LYNX1: variants seen among roughly 807,000 people sequenced by gnomAD.
LYNX1 encodes Ly6/neurotoxin 1, also known as ly-6/neurotoxin-like protein 1.
Under a neutral mutation model 8.3 loss-of-function variants are expected in LYNX1, and 8 were observed. The ratio of observed to expected loss-of-function variants is 0.97; its 90% CI spans 0.57 to 1.74. The LOEUF (loss-of-function observed/expected upper bound fraction) is 1.74. Among genes scored for constraint, LYNX1 ranks in the 40% most tolerant of loss-of-function variants. LYNX1 has a pLI of 0.00. For synonymous variants in LYNX1, 73 were observed against 67.9 expected, an observed-to-expected ratio of 1.08 and a Z score of -0.37; for missense variants, 158 against 159.7, an observed-to-expected ratio of 0.99 and a Z score of 0.06.
rs1314569178 is a variant in LYNX1 at position 142,774,103 on chromosome 8, C to G, written c.*1064G>C. 1 of 985,356 alleles carries G rather than the reference C, an allele frequency of 1.0e-6. No homozygotes were observed. The highest frequency in any genetic ancestry group is 1.1e-4 in the East Asian group (1 of 8,780). The allele number at this position is 985,356 out of a possible 1,614,324, so 61.0% of individuals were successfully genotyped here. A position where few individuals can be genotyped will look rare whatever the true frequency, so the allele number is the denominator to read the frequency against. ...AGGTGGAAGGTGATGGAGGGACCCA[C>G]TCACTGTGCGCATCCCGCTGCGGGG... is the stretch of plus-strand genomic sequence containing the variant. On this transcript the variant is annotated 3_prime_UTR_variant, in exon 4 of 4. Transcript: ENST00000652477.
upstream of LYNX1, chr8:142,777,231 G>C (rs1385252314): frequency 1.3e-5 from 2 of 154,632 alleles, no homozygotes; most frequent in Non-Finnish European, 2.9e-5. Context: ...GTGCCGCATC[G>C]CCTGATGCTC....
In LYNX1 at chr8:142,776,076, C is replaced by T. The variant is rs1299103428; in HGVS notation, c.-119G>A. On this transcript the variant is annotated 5_prime_UTR_variant, in exon 2 of 4. Coordinates refer to ENST00000652477, the MANE Select transcript of LYNX1 (RefSeq NM_177477.4). The stretch of plus-strand genomic sequence containing the variant: ...GGGTGGTGCGCAGAGGACGTGGGGC[C>T]GGCCCTGCCTCCCGGAGCTCCTGGT... The T allele has an allele frequency of 8.4e-6, 10 of 1,184,288 alleles. No homozygotes were observed. The highest frequency in any genetic ancestry group is 1.1e-5 in the Non-Finnish European group (9 of 822,672). 73.4% of individuals were successfully genotyped at this position (1,184,288 alleles called of 1,614,324 possible). A position where few individuals can be genotyped will look rare whatever the true frequency, so the allele number is the denominator to read the frequency against.
rs1176029763 is a variant in LYNX1, at chr8:142,774,629, G to A, written c.*538C>T. The A allele has an allele frequency of 1.0e-6, 1 of 987,030 alleles. No homozygotes were observed. Among genetic ancestry groups the A allele is most frequent in the South Asian group, 4.7e-5 (1 of 21,370 alleles). 61.1% of individuals were successfully genotyped at this position (987,030 alleles called of 1,614,324 possible). Reference sequence around the variant, plus strand: ...GGCCTGGCAGACTTCCTAGCACAGGGGCCGGTGCCAAAGGCCCTCCTCCCA... The same window carrying A: ...GGCCTGGCAGACTTCCTAGCACAGGAGCCGGTGCCAAAGGCCCTCCTCCCA... On this transcript the variant is annotated 3_prime_UTR_variant, in exon 4 of 4. Coordinates refer to ENST00000652477, the MANE Select transcript of LYNX1 (RefSeq NM_177477.4).
rs975401112 is a variant in LYNX1, at chr8:142,772,944, C to G, written c.*2223G>C. 3.0e-6 allele frequency: 3 copies of G among 985,806 alleles called. No homozygotes were observed. Among genetic ancestry groups the G allele is most frequent in the Non-Finnish European group, 3.6e-6 (3 of 830,302 alleles). The allele number at this position is 985,806 out of a possible 1,614,324, so 61.1% of individuals were successfully genotyped here. On this transcript the variant is annotated 3_prime_UTR_variant, in exon 4 of 4. Coordinates refer to ENST00000652477, the MANE Select transcript of LYNX1 (RefSeq NM_177477.4). ...AAGCTGCCCACCCCACCCCTCAACA[C>G]CACAGCACTTCCAGCTCCAGCAGGT...
At position 142,775,591 on chromosome 8, in the gene LYNX1, A is replaced by G; in HGVS notation, c.154+2T>C. On this transcript the variant is annotated splice_donor_variant, in intron 3 of 3. Coordinates refer to ENST00000652477, the MANE Select transcript of LYNX1 (RefSeq NM_177477.4). LOFTEE classifies it high-confidence loss of function. Reference sequence around the variant, plus strand: ...AGGGCCACGCAGGGCCCCCAGACTCACAGGTGCGCGTGGTCATGCAGTAGG... The same window carrying G: ...AGGGCCACGCAGGGCCCCCAGACTCGCAGGTGCGCGTGGTCATGCAGTAGG... 3 of 1,586,538 alleles carry G rather than the reference A, an allele frequency of 1.9e-6. No individual in the cohort carries two copies.
At position 142,774,149 on chromosome 8, in the gene LYNX1, T is replaced by TCCC; in HGVS notation, c.*1015_*1017dup. ...CGGGGGAGGGGCTGGGTCTCCGCCCTCCCCACCCCACCCTCCCCACTCCCG... is the reference window on the plus strand; with the variant it reads ...CGGGGGAGGGGCTGGGTCTCCGCCCTCCCCCCCACCCCACCCTCCCCACTCCCG... On this transcript the variant is annotated 3_prime_UTR_variant, in exon 4 of 4. Transcript: ENST00000652477. The TCCC allele has an allele frequency of 2.8e-6, 2 of 725,190 alleles. No homozygotes were observed. The highest frequency in any genetic ancestry group is 6.5e-5 in the South Asian group (1 of 15,338). 44.9% of individuals were successfully genotyped at this position (725,190 alleles called of 1,614,324 possible). A position where few individuals can be genotyped will look rare whatever the true frequency, so the allele number is the denominator to read the frequency against.
rs1263494405 is a variant in LYNX1, at chr8:142,775,928, C to T, written c.30G>A (p.Val10=). MTPLLTLIL[V]VLMGLPLAQA... is the part of the protein sequence containing the mutation. ...TACCCAGAGGTAAGCCCATGAGGACCACCAGGATCAGGGTGAGCAGGGGCG... is the reference window on the plus strand; with the variant it reads ...TACCCAGAGGTAAGCCCATGAGGACTACCAGGATCAGGGTGAGCAGGGGCG... The change falls in exon 2 of 4, where the codon GTG becomes GTA. Residue 10 remains valine, a synonymous_variant. Coordinates refer to ENST00000652477, the MANE Select transcript of LYNX1 (RefSeq NM_177477.4). The T allele has an allele frequency of 1.2e-6, 2 of 1,613,994 alleles. No homozygotes were observed.
rs2130093488 is a variant in LYNX1 at position 142,771,773 on chromosome 8, A to G, written c.*3394T>C. The G allele has an allele frequency of 2.0e-6, 2 of 985,524 alleles. No individual in the cohort carries two copies. Among genetic ancestry groups the G allele is most frequent in the Non-Finnish European group, 1.2e-6 (1 of 829,866 alleles). The allele number at this position is 985,524 out of a possible 1,614,324, so 61.0% of individuals were successfully genotyped here. A position where few individuals can be genotyped will look rare whatever the true frequency, so the allele number is the denominator to read the frequency against. ...TGAGAGATGACGAATCAGATGCTAC[A>G]TAGTGGGGGAGGCGGCAGCTGGCCT... On this transcript the variant is annotated 3_prime_UTR_variant, in exon 4 of 4. Transcript: ENST00000652477.
At position 142,774,721 on chromosome 8, in the gene LYNX1, G is replaced by GT; in HGVS notation, c.*445_*446insA. ...GTAGGAAGCGTGACTAGGCCTGGAG[G>GT]AGCCTTTCCTCCTAAGAGTCTCCCC... On this transcript the variant is annotated 3_prime_UTR_variant, in exon 4 of 4. Coordinates refer to ENST00000652477, the MANE Select transcript of LYNX1 (RefSeq NM_177477.4). The GT allele has an allele frequency of 9.9e-7, 1 of 1,009,982 alleles. No individual in the cohort carries two copies. The highest frequency in any genetic ancestry group is 5.3e-5 in the Admixed American group (1 of 18,740). The allele number at this position is 1,009,982 out of a possible 1,614,324, so 62.6% of individuals were successfully genotyped here.
chr8:142,776,163 T>C, intron 1 of LYNX1, 42 bp from the exon 2 acceptor site: 3 of 605,110 alleles, frequency 5.0e-6, no homozygotes, highest in Non-Finnish European at 8.9e-6. Context: ...GTACTGGGCC[T>C]GAAGGACCCA....
rs1815203862 is a variant in LYNX1 at position 142,772,023 on chromosome 8, G to A, written c.*3144C>T. ...ATGTATAACATCCCAGGGTGCCAGA[G>A]CCCACCCAAGCAGCCACTCCTGTCC... On this transcript the variant is annotated 3_prime_UTR_variant, in exon 4 of 4. Transcript: ENST00000652477. The A allele has an allele frequency of 1.0e-6, 1 of 985,864 alleles. No individual in the cohort carries two copies. The highest frequency in any genetic ancestry group is 1.2e-6 in the Non-Finnish European group (1 of 830,074). The allele number at this position is 985,864 out of a possible 1,614,324, so 61.1% of individuals were successfully genotyped here.
In LYNX1 at chr8:142,772,799, C is replaced by T. The variant is rs1815239298; in HGVS notation, c.*2368G>A. On this transcript the variant is annotated 3_prime_UTR_variant, in exon 4 of 4. Coordinates refer to ENST00000652477, the MANE Select transcript of LYNX1 (RefSeq NM_177477.4). ...GGGCCTGCCCAGCATTAGCTGAGTG[C>T]CTTCTGTGTGCTCTACGCCAGGTGC... 2.0e-6 allele frequency: 2 copies of T among 985,634 alleles called. No individual in the cohort carries two copies. The highest frequency in any genetic ancestry group is 2.4e-6 in the Non-Finnish European group (2 of 830,070). The allele number at this position is 985,634 out of a possible 1,614,324, so 61.1% of individuals were successfully genotyped here. A position where few individuals can be genotyped will look rare whatever the true frequency, so the allele number is the denominator to read the frequency against.
chr8:142,777,376 G>A (rs1815469936), upstream of LYNX1: 1 of 106,040 alleles, frequency 9.4e-6, no homozygotes, highest in African/African-American at 3.7e-5. Context: ...GCCCCGCCCC[G>A]GACCCGCCTC....
chr8:142,777,407 C>G (rs1437914799), upstream of LYNX1: 1 of 143,346 alleles, frequency 7.0e-6, no homozygotes, highest in Admixed American at 8.0e-5. Flanking sequence ...CACCAAGCCG[C>G]GCTCACTGCA....
In LYNX1 at chr8:142,776,011, T is replaced by TGGATCCAACTCAGGTGGCGCACAGA. The variant is rs1815409607; in HGVS notation, c.-55_-54insTCTGTGCGCCACCTGAGTTGGATCC. On this transcript the variant is annotated 5_prime_UTR_variant, in exon 2 of 4. Coordinates refer to ENST00000652477, the MANE Select transcript of LYNX1 (RefSeq NM_177477.4). Reference sequence around the variant, plus strand: ...TGGGGAGGTCAACAGCAGCTAGCCCTGGATCCAACTCAGGGGTGGCGCACA... The same window carrying TGGATCCAACTCAGGTGGCGCACAGA: ...TGGGGAGGTCAACAGCAGCTAGCCCTGGATCCAACTCAGGTGGCGCACAGAGGATCCAACTCAGGGGTGGCGCACA... The TGGATCCAACTCAGGTGGCGCACAGA allele has an allele frequency of 4.4e-6, 7 of 1,601,460 alleles. No individual in the cohort carries two copies. In the East Asian group the frequency reaches 1.1e-4, roughly 26 times the overall value.
upstream of LYNX1, chr8:142,777,364 A>AGGCCCCGCCCC (rs1563841601): frequency 7.4e-5 from 1 of 13,454 alleles, no homozygotes; most frequent in African/African-American, 3.0e-4. Context: ...AGCTCACCGC[A>AGGCCCCGCCCC]GGCCCCGCCC....
rs587633128 is a variant in LYNX1, at chr8:142,775,020, C to T, written c.*147G>A. 1.1e-4 allele frequency: 165 copies of T among 1,440,662 alleles called. 1 individual carries two copies. The African/African-American group carries it at 1.4e-3, about 12-fold the overall frequency. The allele number at this position is 1,440,662 out of a possible 1,614,324, so 89.2% of individuals were successfully genotyped here. On this transcript the variant is annotated 3_prime_UTR_variant, in exon 4 of 4. Transcript: ENST00000652477. ...AGGTCGTGTGGTGGTTGGGGGAGGTCGGGTGTCTTCTTGCCCACAGTCCTG... is the reference window on the plus strand; with the variant it reads ...AGGTCGTGTGGTGGTTGGGGGAGGTTGGGTGTCTTCTTGCCCACAGTCCTG...
downstream of LYNX1, chr8:142,771,197 G>A: frequency 1.0e-6 from 1 of 985,518 alleles, no homozygotes; most frequent in Middle Eastern, 5.2e-4. Context: ...GAGAAGCGCA[G>A]ACAATGCGAA....
In LYNX1 at chr8:142,772,319, T is replaced by A; in HGVS notation, c.*2848A>T. Reference sequence around the variant, plus strand: ...CCATGGTGCCCAGTGCCTCTCCCCCTCTCCTCTGCCACTCTGCCCTGCACC... The same window carrying A: ...CCATGGTGCCCAGTGCCTCTCCCCCACTCCTCTGCCACTCTGCCCTGCACC... On this transcript the variant is annotated 3_prime_UTR_variant, in exon 4 of 4. Transcript: ENST00000652477. 3 of 985,600 alleles carry A rather than the reference T, an allele frequency of 3.0e-6. No homozygotes were observed. The highest frequency in any genetic ancestry group is 3.6e-6 in the Non-Finnish European group (3 of 829,984). 61.1% of individuals were successfully genotyped at this position (985,600 alleles called of 1,614,324 possible).
Sources: gnomAD v4.1 joint callset for allele counts on GRCh38, gnomAD v4.1.1 for gene constraint, MANE v1.5 for transcripts, NCBI Gene and HGNC (gene_info 2026-07-23, HGNC 2026-07-21) for gene names.